IL19: variants seen among roughly 807,000 people sequenced by gnomAD.
IL19 encodes interleukin 19.
In IL19, 15 loss-of-function variants were observed where a neutral mutation model predicts 19.5. That is an observed-to-expected ratio of 0.77 (90% CI 0.52 to 1.19). The LOEUF is 1.19. Among genes scored for constraint, IL19 ranks in the 50% most tolerant of loss-of-function variants. The pLI, the probability that IL19 is intolerant of heterozygous loss-of-function variation, is 0.00. For synonymous variants in IL19, 78 were observed against 78.3 expected (o/e 1.00, Z 0.02); for missense variants, 199 against 213.1 (o/e 0.93, Z 0.41).
intron 1 of IL19, among the ~76,000 whole-genome samples, chr1:206,790,321 C>G (rs993628194): frequency 3.3e-5 from 5 of 152,096 alleles, no homozygotes; most frequent in African/African-American, 1.2e-4. Flanking sequence ...TCTCATTGTG[C>G]CATCCTCTCA....
chr1:206,792,449 TC>T (rs1277359359), intron 1 of IL19, among the ~76,000 whole-genome samples: 1 of 151,690 alleles, frequency 6.6e-6, no homozygotes, highest in Non-Finnish European at 1.5e-5. Flanking sequence ...ACATTCACAA[TC>T]CCCCCACCCC....
At chr1:206,796,795 A>AC (rs1488391147) in intron 1 of IL19, among the ~76,000 whole-genome samples, 1 of 152,110 alleles carries the variant, frequency 6.6e-6, no homozygotes, top group African/African-American at 2.4e-5. Flanking sequence ...ACATATCCCC[A>AC]CCGTTAAGTG....
At chr1:206,823,455 T>C (rs986225300) in intron 2 of IL19, among the ~76,000 whole-genome samples, 3 of 151,666 alleles carry the variant, frequency 2.0e-5, no homozygotes, top group African/African-American at 7.3e-5. Context: ...CTCGGGTTGC[T>C]GAGGCAGGAG....
intron 2 of IL19, among the ~76,000 whole-genome samples, chr1:206,819,711 T>C (rs1457142634): frequency 6.6e-6 from 1 of 152,176 alleles, no homozygotes; most frequent in Non-Finnish European, 1.5e-5. Context: ...TTAGAGAAAG[T>C]TCTTTTGGAT....
intron 1 of IL19, among the ~76,000 whole-genome samples, chr1:206,775,330 G>A (rs1180832329): frequency 6.6e-6 from 1 of 152,114 alleles, no homozygotes; most frequent in Non-Finnish European, 1.5e-5. Flanking sequence ...GAGATTACAG[G>A]CATGAGCCAC....
rs149586091 is a variant in IL19 at position 206,794,359 on chromosome 1, G to A, written c.-148-4502G>A. 8.4e-3 allele frequency among the ~76,000 whole-genome samples: 1,283 copies of A among 152,178 alleles called. 21 individuals are homozygous for A. Among genetic ancestry groups the A allele is most frequent in the African/African-American group, 0.03 (1,238 of 41,508 alleles). ...TTCACTCTATTTCTGTCTACGGTCC[G>A]TCACATCTTACACTTCATTGTCTGT... On this transcript the variant is annotated intron_variant, in intron 1 of 6. Transcript: ENST00000659997.
chr1:206,795,927 ATGTGTG>A (rs71570039), intron 1 of IL19, among the ~76,000 whole-genome samples: 47 of 133,628 alleles, frequency 3.5e-4, no homozygotes, highest in African/African-American at 1.1e-3. Context: ...AAATATATAT[ATGTGTG>A]TGTGTGTGTG....
chr1:206,771,343 C>A, intron 1 of IL19: 1 of 1,611,666 alleles, frequency 6.2e-7, no homozygotes, highest in Non-Finnish European at 8.5e-7. Context: ...CAGCACCCCG[C>A]CCCTGCTCTC....
At chr1:206,780,584 C>T (rs1337136127) in intron 1 of IL19, among the ~76,000 whole-genome samples, 1 of 152,150 alleles carries the variant, frequency 6.6e-6, no homozygotes, top group African/African-American at 2.4e-5. Context: ...TCCTCCATGG[C>T]TGCTGGAATG....
At chr1:206,771,436 G>T (rs1444300302) in intron 1 of IL19, 7 of 1,584,808 alleles carry the variant, frequency 4.4e-6, no homozygotes, top group South Asian at 1.1e-5. Flanking sequence ...AACAAAAGGA[G>T]AATGAACTTG....
At chr1:206,773,124 G>C (rs372331832) in intron 1 of IL19, among the ~76,000 whole-genome samples, 5 of 152,120 alleles carry the variant, frequency 3.3e-5, no homozygotes, top group Admixed American at 6.5e-5. Flanking sequence ...GGATTCTCAG[G>C]CACATGTTTC....
chr1:206,799,881 C>A (rs917874417), intron 2 of IL19, among the ~76,000 whole-genome samples: 1 of 152,196 alleles, frequency 6.6e-6, no homozygotes, highest in Non-Finnish European at 1.5e-5. Flanking sequence ...ACCCACAGCA[C>A]TTTCTCTTCT....
intron 4 of IL19, 40 bp from the exon 5 acceptor site, chr1:206,839,810 G>A: frequency 6.4e-7 from 1 of 1,562,916 alleles, no homozygotes; most frequent in Non-Finnish European, 8.7e-7. Flanking sequence ...AACATAATGA[G>A]AGAAGAGGCC....
intron 1 of IL19, among the ~76,000 whole-genome samples, chr1:206,794,860 T>A (rs1296080513): frequency 1.3e-5 from 2 of 152,188 alleles, no homozygotes; most frequent in East Asian, 3.9e-4. Context: ...CCATACCTAT[T>A]TCTGCCCATG....
chr1:206,781,248 A>G, intron 1 of IL19, among the ~76,000 whole-genome samples: 1 of 151,832 alleles, frequency 6.6e-6, no homozygotes, highest in Non-Finnish European at 1.5e-5. Flanking sequence ...GTTCAAGACC[A>G]GCCTGGCCAA....
At chr1:206,837,141 A>G in intron 4 of IL19, 118 bp downstream of exon 4, 1 of 779,760 alleles carries the variant, frequency 1.3e-6, no homozygotes, top group South Asian at 1.7e-5. Context: ...TGTACTCTAA[A>G]TGCACCAGGC....
rs537992342 is a variant in IL19 at position 206,801,509 on chromosome 1, C to G, written c.-3+2503C>G. Among the ~76,000 whole-genome samples, 4 of 152,372 alleles carry G rather than the reference C, an allele frequency of 2.6e-5. No individual in the cohort carries two copies. In the East Asian group the frequency reaches 7.7e-4, roughly 29 times the overall value. ...CAGCACTGTTGGCCCAACTGCCTAT[C>G]TCAGACCTCTATGGCTCTGGGTCAG... On this transcript the variant is annotated intron_variant, in intron 2 of 6. Coordinates refer to ENST00000659997, the MANE Select transcript of IL19 (RefSeq NM_153758.5).
At chr1:206,802,519 C>G (rs573999144) in intron 2 of IL19, among the ~76,000 whole-genome samples, 1 of 152,192 alleles carries the variant, frequency 6.6e-6, no homozygotes, top group East Asian at 1.9e-4. Context: ...TTCCCAAGAT[C>G]ACGAAGCCAA....
chr1:206,824,515 C>T (rs1327144335), intron 2 of IL19, among the ~76,000 whole-genome samples: 1 of 152,182 alleles, frequency 6.6e-6, no homozygotes, highest in African/African-American at 2.4e-5. Flanking sequence ...GGCATTTCCT[C>T]CTTCTTGTAG....
Sources: allele counts gnomAD v4.1 joint callset (sites outside exome capture counted in the v4.1 genomes callset), GRCh38; gene constraint gnomAD v4.1.1; transcripts MANE v1.5; gene names NCBI Gene and HGNC (gene_info 2026-07-23, HGNC 2026-07-21).